ABHD3: variants seen among roughly 807,000 people sequenced by gnomAD.
ABHD3 encodes the protein phospholipase ABHD3.
Under a neutral mutation model 48.8 loss-of-function variants are expected in ABHD3, and 46 were observed. The ratio of observed to expected loss-of-function variants is 0.94; its 90% CI spans 0.74 to 1.20. ABHD3 has a LOEUF of 1.20. Among genes scored for constraint, ABHD3 ranks in the 50% most tolerant of loss-of-function variants. The pLI is 0.00. For synonymous variants in ABHD3, 192 were observed against 183.7 expected, an observed-to-expected ratio of 1.04 and a Z score of -0.36; for missense variants, 490 against 497.8, an observed-to-expected ratio of 0.98 and a Z score of 0.15.
intron 4 of ABHD3, among the ~76,000 whole-genome samples, chr18:21,667,851 G>A (rs949783738): frequency 2.8e-4 from 42 of 152,126 alleles, no homozygotes; most frequent in African/African-American, 9.9e-4. Flanking sequence ...TTGATTGAAT[G>A]CACGTCAATC....
intron 5 of ABHD3, among the ~76,000 whole-genome samples, chr18:21,661,082 A>C (rs557812537): frequency 6.6e-6 from 1 of 150,510 alleles, no homozygotes; most frequent in African/African-American, 2.4e-5. Context: ...TTTTCTCACC[A>C]AAAGAAAAAA....
chr18:21,681,700 A>C (rs2146315357), intron 4 of ABHD3, among the ~76,000 whole-genome samples: 1 of 152,322 alleles, frequency 6.6e-6, no homozygotes, highest in Middle Eastern at 3.4e-3. Flanking sequence ...AATTCCTGTC[A>C]CTTCCAGAAA....
At chr18:21,704,443 C>A (rs752427240) in intron 1 of ABHD3, 61 bp downstream of exon 1, 95 of 1,264,124 alleles carry the variant, frequency 7.5e-5, no homozygotes, top group Non-Finnish European at 6.0e-5. Context: ...AGCCTCGCGC[C>A]GCGCCTGCTA....
intron 8 of ABHD3, 58 bp from the exon 9 acceptor site, chr18:21,651,821 C>A: frequency 6.9e-7 from 1 of 1,440,558 alleles, no homozygotes; most frequent in South Asian, 1.4e-5. Flanking sequence ...AAAATATAAT[C>A]ATTATGTTTT....
chr18:21,683,920 C>G lies in ABHD3; in HGVS notation c.555G>C (p.Leu185Phe), dbSNP rs562863991. 6.3e-7 allele frequency: 1 copy of G among 1,589,980 alleles called. No homozygotes were observed. The highest frequency in any genetic ancestry group is 8.6e-7 in the Non-Finnish European group (1 of 1,167,256). ...ACTGTTGTCATTTAAATTTACTTAC[C>G]AAGAGATTCTCCCCCGCCACTCCTC... Reference protein sequence around the residue: ...NNRGVAGENLLTPRTYCCANT... With the variant: ...NNRGVAGENLFTPRTYCCANT... The change falls in exon 4 of 9, where the codon TTG (leucine) becomes TTC (phenylalanine). Residue 185 changes from leucine to phenylalanine, a missense_variant and splice_region_variant. Coordinates refer to ENST00000289119, the MANE Select transcript of ABHD3 (RefSeq NM_138340.5).
At chr18:21,664,010 G>T in intron 5 of ABHD3, 108 bp downstream of exon 5, 1 of 1,439,904 alleles carries the variant, frequency 6.9e-7, no homozygotes, top group Non-Finnish European at 9.1e-7. Flanking sequence ...AACATAATCA[G>T]ACATTTATTT....
intron 3 of ABHD3, among the ~76,000 whole-genome samples, chr18:21,687,405 G>A (rs926441372): frequency 6.6e-6 from 1 of 151,930 alleles, no homozygotes; most frequent in Non-Finnish European, 1.5e-5. Flanking sequence ...TAGCGACAGG[G>A]TTTCACCGTG....
intron 2 of ABHD3, among the ~76,000 whole-genome samples, chr18:21,703,217 C>CA (rs2040552588): frequency 9.6e-6 from 1 of 103,962 alleles, no homozygotes; most frequent in Non-Finnish European, 2.0e-5. Context: ...CTTCTCACCC[C>CA]ACCCCCCCCC....
intron 6 of ABHD3, among the ~76,000 whole-genome samples, chr18:21,658,862 G>A (rs1450747486): frequency 2.8e-5 from 4 of 142,390 alleles, no homozygotes; most frequent in Non-Finnish European, 4.5e-5. Context: ...TTTTTGAGAC[G>A]GAGTCTTGCT....
intron 8 of ABHD3, among the ~76,000 whole-genome samples, chr18:21,656,142 C>T (rs377208175): frequency 3.9e-5 from 6 of 152,088 alleles, no homozygotes; most frequent in African/African-American, 1.4e-4. Context: ...GGCGACAGAG[C>T]GAAAAAGAAA....
intron 1 of ABHD3, among the ~76,000 whole-genome samples, chr18:21,704,269 G>C (rs910670412): frequency 2.0e-5 from 3 of 152,212 alleles, no homozygotes; most frequent in Non-Finnish European, 2.9e-5. Context: ...CCGCAGCGCA[G>C]AAGTCAGCCG....
rs1170384344 is a variant in ABHD3, at chr18:21,671,668, A to G, written c.556-7438T>C. Reference sequence around the variant, plus strand: ...GAAAAATGTAAAAAATCCAAAAGATATATCACTTCCAGCAGATATTTGGAC... The same window carrying G: ...GAAAAATGTAAAAAATCCAAAAGATGTATCACTTCCAGCAGATATTTGGAC... On this transcript the variant is annotated intron_variant, in intron 4 of 8. Coordinates refer to ENST00000289119, the MANE Select transcript of ABHD3 (RefSeq NM_138340.5). 3.3e-5 allele frequency among the ~76,000 whole-genome samples: 5 copies of G among 152,238 alleles called. No homozygotes were observed. The East Asian group carries it at 5.8e-4, about 18-fold the overall frequency.
chr18:21,662,627 G>C (rs1258471145), intron 5 of ABHD3, among the ~76,000 whole-genome samples: 13 of 152,108 alleles, frequency 8.5e-5, no homozygotes, highest in Non-Finnish European at 1.5e-4. Flanking sequence ...TTTGCGTGTT[G>C]CATCTCCATA....
intron 4 of ABHD3, 140 bp downstream of exon 4, chr18:21,683,779 TC>T: frequency 1.2e-6 from 1 of 804,586 alleles, no homozygotes; most frequent in Non-Finnish European, 1.8e-6. Flanking sequence ...TTCCTTTTTT[TC>T]CATATCTGTA....
Position 21,656,991 on chromosome 18 carries a change from A to G in ABHD3, c.927T>C (p.Thr309=). 1 of 1,614,144 alleles carries G rather than the reference A, an allele frequency of 6.2e-7. No homozygotes were observed. Among genetic ancestry groups the G allele is most frequent in the South Asian group, 1.1e-5 (1 of 91,084 alleles). The change falls in exon 8 of 9, where the codon ACT becomes ACC. Residue 309 remains threonine (T), a synonymous_variant. Transcript: ENST00000289119. ...KSIREFDKRF[T]SVMFGYQTID... is the part of the protein sequence containing the mutation. ...TTGTTTGGTATCCAAACATGACTGA[A>G]GTGAATCGCTTATCAAACTCTCTGA...
rs775456524 is a variant in ABHD3, at chr18:21,664,149, G to A, written c.637C>T (p.Pro213Ser). The A allele has an allele frequency of 4.3e-6, 7 of 1,613,672 alleles. No individual in the cohort carries two copies. Among genetic ancestry groups the A allele is most frequent in the Non-Finnish European group, 5.9e-6 (7 of 1,179,916 alleles). Residue 213 changes from proline to serine, a missense_variant, in exon 5 of 9, where the codon CCT (proline) becomes TCT (serine). Coordinates refer to ENST00000289119, the MANE Select transcript of ABHD3 (RefSeq NM_138340.5). ...HHVHSLYPSAPFLAAGVSMGG... is the reference protein window; with the variant it reads ...HHVHSLYPSASFLAAGVSMGG... ...ATTGAAACCCCTGCTGCCAGGAAAG[G>A]AGCAGAAGGGTACAGGCTGTGTACA...
At position 21,704,653 on chromosome 18, in the gene ABHD3, C is replaced by T; in HGVS notation, c.13G>A (p.Ala5Thr). 1 of 1,521,180 alleles carries T rather than the reference C, an allele frequency of 6.6e-7. No homozygotes were observed. Among genetic ancestry groups the T allele is most frequent in the Non-Finnish European group, 8.8e-7 (1 of 1,136,936 alleles). 94.2% of individuals were successfully genotyped at this position (1,521,180 alleles called of 1,614,324 possible). Residue 5 changes from alanine (A) to threonine (T), a missense_variant, in exon 1 of 9, where the codon GCC becomes ACC. Transcript: ENST00000289119. MQRLAMDLRMLSREL... is the reference protein window; with the variant it reads MQRLTMDLRMLSREL... ...CGGGACAACATCCGCAGGTCCATGGCCAGGCGCTGCATGGCCCCCGAGCGC... is the reference window on the plus strand; with the variant it reads ...CGGGACAACATCCGCAGGTCCATGGTCAGGCGCTGCATGGCCCCCGAGCGC...
At position 21,651,680 on chromosome 18, in the gene ABHD3, C is replaced by T. The variant is rs574533132; in HGVS notation, c.1141G>A (p.Gly381Arg). The T allele has an allele frequency of 1.2e-4, 187 of 1,612,246 alleles. 4 individuals are homozygous for T. The South Asian group carries it at 2.0e-3, about 17-fold the overall frequency. ...TAAGTGGACTGTCTTGGCCAGATTC[C>T]CTCCAGAAAACCAATATGGCCTCCA... ...SYGGHIGFLE[G>R]IWPRQSTYMD... is the part of the protein sequence containing the mutation. Residue 381 changes from glycine (G) to arginine (R), a missense_variant, in exon 9 of 9, where the codon GGA becomes AGA. Gly to Arg is a moderately radical substitution (Grantham distance 125, BLOSUM62 -2). Transcript: ENST00000289119.
chr18:21,666,697 T>C (rs1568143731), intron 4 of ABHD3, among the ~76,000 whole-genome samples: 2 of 152,212 alleles, frequency 1.3e-5, no homozygotes, highest in African/African-American at 4.8e-5. Flanking sequence ...CAGTAGACAC[T>C]TAAAATATTA....
Sources: allele counts gnomAD v4.1 joint callset (sites outside exome capture counted in the v4.1 genomes callset), GRCh38; gene constraint gnomAD v4.1.1; transcripts MANE v1.5; gene names NCBI Gene and HGNC (gene_info 2026-07-23, HGNC 2026-07-21).